Variants in LRRC26 observed in about 807,000 individuals in gnomAD.
LRRC26 encodes leucine rich repeat containing 26.
In LRRC26, 17 loss-of-function variants were observed where a neutral mutation model predicts 15.3. That is an observed-to-expected ratio of 1.11 (90% CI 0.76 to 1.66). LRRC26 has a LOEUF of 1.66. LRRC26 is among the 40% of genes most tolerant of loss of function. The pLI is 0.00. For missense variants in LRRC26, 573 were observed against 501.0 expected (o/e 1.14, Z -1.37); for synonymous variants, 301 against 272.1 (o/e 1.11, Z -1.05).
chr9:137,169,614 C>T lies in LRRC26; in HGVS notation c.330G>A (p.Val110=), dbSNP rs1436963141. The T allele has an allele frequency of 2.0e-6, 3 of 1,520,024 alleles. No homozygotes were observed. The allele number at this position is 1,520,024 out of a possible 1,614,324, so 94.2% of individuals were successfully genotyped here. A position where few individuals can be genotyped will look rare whatever the true frequency, so the allele number is the denominator to read the frequency against. ...CCAGGCCCCAGAAGGCTCGCACATGCACCGAGTGCAGCCCGTTCTCGCGCA... is the reference window on the plus strand; with the variant it reads ...CCAGGCCCCAGAAGGCTCGCACATGTACCGAGTGCAGCCCGTTCTCGCGCA... ...LDLRENGLHS[V]HVRAFWGLGA... is the part of the protein sequence containing the mutation. The change falls in exon 1 of 2, where the codon GTG becomes GTA. Residue 110 remains valine, a synonymous_variant. Coordinates refer to ENST00000371542, the MANE Select transcript of LRRC26 (RefSeq NM_001013653.3).
rs1834034040 is a variant in LRRC26 at position 137,169,359 on chromosome 9, C to T, written c.585G>A (p.Ala195=). 1 of 1,472,478 alleles carries T rather than the reference C, an allele frequency of 6.8e-7. No homozygotes were observed. Among genetic ancestry groups the T allele is most frequent in the South Asian group, 1.3e-5 (1 of 77,346 alleles). The allele number at this position is 1,472,478 out of a possible 1,614,324, so 91.2% of individuals were successfully genotyped here. A position where few individuals can be genotyped will look rare whatever the true frequency, so the allele number is the denominator to read the frequency against. ...CCCAAGGGTTGCCGCGCAGGTGCAG[C>T]GCGTCTAGAGCGGGCAGGCGGCCCA... ...GLLGRLPALD[A]LHLRGNPWGC... Residue 195 remains alanine, a synonymous_variant, in exon 1 of 2, where the codon GCG becomes GCA. Transcript: ENST00000371542.
In LRRC26 at chr9:137,169,374, C is replaced by T. The variant is rs1321549202; in HGVS notation, c.570G>A (p.Leu190=). The part of the protein sequence containing the change: ...AALAPGLLGR[L]PALDALHLRG... The stretch of plus-strand genomic sequence containing the variant: ...GCAGGTGCAGCGCGTCTAGAGCGGG[C>T]AGGCGGCCCAGCAGCCCCGGCGCGA... The change falls in exon 1 of 2, where the codon CTG becomes CTA. Residue 190 remains leucine, a synonymous_variant. Coordinates refer to ENST00000371542, the MANE Select transcript of LRRC26 (RefSeq NM_001013653.3). 1 of 1,485,776 alleles carries T rather than the reference C, an allele frequency of 6.7e-7. No homozygotes were observed. Among genetic ancestry groups the T allele is most frequent in the Admixed American group, 2.3e-5 (1 of 43,182 alleles). The allele number at this position is 1,485,776 out of a possible 1,614,324, so 92.0% of individuals were successfully genotyped here.
At position 137,169,312 on chromosome 9, in the gene LRRC26, G is replaced by T. The variant is rs374031826; in HGVS notation, c.632C>A (p.Pro211Gln). 1.4e-6 allele frequency: 2 copies of T among 1,422,946 alleles called. No individual in the cohort carries two copies. The highest frequency in any genetic ancestry group is 1.4e-5 in the South Asian group (1 of 69,926). The allele number at this position is 1,422,946 out of a possible 1,614,324, so 88.1% of individuals were successfully genotyped here. The change falls in exon 1 of 2, where the codon CCG becomes CAG. Residue 211 changes from proline to glutamine, a missense_variant. By Grantham distance (76) the Pro-to-Gln change is moderately conservative. Coordinates refer to ENST00000371542, the MANE Select transcript of LRRC26 (RefSeq NM_001013653.3). ...GTGCCGGCGCAGCCAGGCGCAGAGCGGGCGCAGCGCGCACCCGCAGCCCCA... is the reference window on the plus strand; with the variant it reads ...GTGCCGGCGCAGCCAGGCGCAGAGCTGGCGCAGCGCGCACCCGCAGCCCCA... ...NPWGCGCALRPLCAWLRRHPL... is the reference protein window; with the variant it reads ...NPWGCGCALRQLCAWLRRHPL...
Position 137,169,425 on chromosome 9 carries a change from G to C in LRRC26, c.519C>G (p.Ser173Arg), listed in dbSNP as rs1213052986. 2.6e-6 allele frequency: 4 copies of C among 1,517,444 alleles called. No homozygotes were observed. Among genetic ancestry groups the C allele is most frequent in the Non-Finnish European group, 3.5e-6 (4 of 1,141,818 alleles). The allele number at this position is 1,517,444 out of a possible 1,614,324, so 94.0% of individuals were successfully genotyped here. A position where few individuals can be genotyped will look rare whatever the true frequency, so the allele number is the denominator to read the frequency against. Residue 173 changes from serine (S) to arginine (R), a missense_variant, in exon 1 of 2, where the codon AGC becomes AGG. Coordinates refer to ENST00000371542, the MANE Select transcript of LRRC26 (RefSeq NM_001013653.3). ...GTGCCGCCAGCTCGTTGTCCTGCAG[G>C]CTGAGTGAGCGCAGCAGCGGGAGCG... ...LGALPLLRSL[S>R]LQDNELAALA...
At position 137,169,303 on chromosome 9, in the gene LRRC26, G is replaced by A. The variant is rs556924343; in HGVS notation, c.641C>T (p.Ala214Val). 8.5e-6 allele frequency: 12 copies of A among 1,416,278 alleles called. No individual in the cohort carries two copies. Among genetic ancestry groups the A allele is most frequent in the African/African-American group, 6.0e-5 (4 of 66,268 alleles). The allele number at this position is 1,416,278 out of a possible 1,614,324, so 87.7% of individuals were successfully genotyped here. ...GGGCAGCGGGTGCCGGCGCAGCCAG[G>A]CGCAGAGCGGGCGCAGCGCGCACCC... ...GCGCALRPLC[A>V]WLRRHPLPAS... The change falls in exon 1 of 2, where the codon GCC becomes GTC. Residue 214 changes from alanine to valine, a missense_variant. Coordinates refer to ENST00000371542, the MANE Select transcript of LRRC26 (RefSeq NM_001013653.3).
rs1322194075 is a variant in LRRC26 at position 137,169,844 on chromosome 9, G to A, written c.100C>T (p.Pro34Ser). The A allele has an allele frequency of 1.4e-6, 2 of 1,467,376 alleles. No homozygotes were observed. The highest frequency in any genetic ancestry group is 1.5e-5 in the African/African-American group (1 of 67,462). 90.9% of individuals were successfully genotyped at this position (1,467,376 alleles called of 1,614,324 possible). The part of the protein sequence containing the change: ...VWAQVSATAS[P>S]SGSLGAPDCP... ...TCCGGGGCGCCCAGGGACCCCGAGGGCGAGGCCGTGGCCGACACCTGGGCC... is the reference window on the plus strand; with the variant it reads ...TCCGGGGCGCCCAGGGACCCCGAGGACGAGGCCGTGGCCGACACCTGGGCC... The change falls in exon 1 of 2, where the codon CCC (proline) becomes TCC (serine). Residue 34 changes from proline (P) to serine (S), a missense_variant. Transcript: ENST00000371542.
chr9:137,168,908 G>T lies in LRRC26; in HGVS notation c.951C>A (p.His317Gln). 7.5e-7 allele frequency: 1 copy of T among 1,324,656 alleles called. No homozygotes were observed. The highest frequency in any genetic ancestry group is 2.1e-5 in the South Asian group (1 of 47,358). The allele number at this position is 1,324,656 out of a possible 1,614,324, so 82.1% of individuals were successfully genotyped here. The change falls in exon 2 of 2, where the codon CAC (histidine) becomes CAA (glutamine). Residue 317 changes from histidine to glutamine, a missense_variant. Transcript: ENST00000371542. ...PPDPNPDPDP[H>Q]GCASPADPGS... ...CCGGGTCCGCGGGCGAGGCACAGCCGTGGGGGTCGGGATCGGGGTTCGGGT... is the reference window on the plus strand; with the variant it reads ...CCGGGTCCGCGGGCGAGGCACAGCCTTGGGGGTCGGGATCGGGGTTCGGGT...
At position 137,168,926 on chromosome 9, in the gene LRRC26, G is replaced by T. The variant is rs1035255790; in HGVS notation, c.933C>A (p.Asn311Lys). 138 of 1,364,764 alleles carry T rather than the reference G, an allele frequency of 1.0e-4. No homozygotes were observed. Among genetic ancestry groups the T allele is most frequent in the Non-Finnish European group, 1.2e-4 (133 of 1,066,228 alleles). 84.5% of individuals were successfully genotyped at this position (1,364,764 alleles called of 1,614,324 possible). The change falls in exon 2 of 2, where the codon AAC becomes AAA. Residue 311 changes from asparagine (N) to lysine (K), a missense_variant. By Grantham distance (94) the Asn-to-Lys change is moderately conservative. Coordinates refer to ENST00000371542, the MANE Select transcript of LRRC26 (RefSeq NM_001013653.3). ...CACAGCCGTGGGGGTCGGGATCGGG[G>T]TTCGGGTCTGGCGGTCTCGGCGGGC... is the stretch of plus-strand genomic sequence containing the variant. ...ALRPPRPPDP[N>K]PDPDPHGCAS... is the part of the protein sequence containing the mutation.
chr9:137,169,145 C>T lies in LRRC26; in HGVS notation c.714G>A (p.Thr238=), dbSNP rs756141797. ...CGGAAAAGGCAGTCAGGGGGCTGAGCGTCAGGCGTCCCGGCCACACGCAGA... is the reference window on the plus strand; with the variant it reads ...CGGAAAAGGCAGTCAGGGGGCTGAGTGTCAGGCGTCCCGGCCACACGCAGA... ...TVLCVWPGRL[T]LSPLTAFSDA... The change falls in exon 2 of 2, where the codon ACG becomes ACA. Residue 238 remains threonine (T), a synonymous_variant. Coordinates refer to ENST00000371542, the MANE Select transcript of LRRC26 (RefSeq NM_001013653.3). 1 of 1,542,360 alleles carries T rather than the reference C, an allele frequency of 6.5e-7. No individual in the cohort carries two copies. The highest frequency in any genetic ancestry group is 1.2e-5 in the South Asian group (1 of 84,106).
chr9:137,169,299 C>CGCGCG lies in LRRC26; in HGVS notation c.644_645insCGCGC (p.Trp215CysfsTer25). 7.1e-7 allele frequency: 1 copy of CGCGCG among 1,407,994 alleles called. No homozygotes were observed. The highest frequency in any genetic ancestry group is 1.5e-5 in the South Asian group (1 of 66,692). 87.2% of individuals were successfully genotyped at this position (1,407,994 alleles called of 1,614,324 possible). ...ACGCGGGCAGCGGGTGCCGGCGCAG[C>CGCGCG]CAGGCGCAGAGCGGGCGCAGCGCGC... On this transcript the variant is annotated frameshift_variant, in exon 1 of 2. Transcript: ENST00000371542. LOFTEE classifies it low-confidence loss of function (END_TRUNC).
rs779995751 is a variant in LRRC26 at position 137,169,258 on chromosome 9, C to A, written c.673+13G>T. The A allele has an allele frequency of 2.8e-5, 39 of 1,370,564 alleles. 1 individual carries two copies. The South Asian group carries it at 6.5e-4, about 23-fold the overall frequency. The allele number at this position is 1,370,564 out of a possible 1,614,324, so 84.9% of individuals were successfully genotyped here. A position where few individuals can be genotyped will look rare whatever the true frequency, so the allele number is the denominator to read the frequency against. ...CGCCCTGCAGACCCCGACCCGCGTC[C>A]CCAGCAGCTCACCTGACGCGGGCAG... On this transcript the variant is annotated intron_variant, in intron 1 of 1. Coordinates refer to ENST00000371542, the MANE Select transcript of LRRC26 (RefSeq NM_001013653.3).
chr9:137,168,931 G>A lies in LRRC26; in HGVS notation c.928C>T (p.Pro310Ser). 1 of 1,386,410 alleles carries A rather than the reference G, an allele frequency of 7.2e-7. No homozygotes were observed. Among genetic ancestry groups the A allele is most frequent in the Non-Finnish European group, 9.3e-7 (1 of 1,078,174 alleles). 85.9% of individuals were successfully genotyped at this position (1,386,410 alleles called of 1,614,324 possible). ...AALRPPRPPD[P>S]NPDPDPHGCA... ...CCGTGGGGGTCGGGATCGGGGTTCG[G>A]GTCTGGCGGTCTCGGCGGGCGGAGG... The change falls in exon 2 of 2, where the codon CCG becomes TCG. Residue 310 changes from proline to serine, a missense_variant. Coordinates refer to ENST00000371542, the MANE Select transcript of LRRC26 (RefSeq NM_001013653.3).
chr9:137,169,539 T>C lies in LRRC26; in HGVS notation c.405A>G (p.Ala135=). ...DLSANQLEAL[A]PGTFAPLRAL... ...CGCGCAGCGGCGCGAAAGTCCCTGG[T>C]GCCAGTGCTTCCAGCTGGTTGGCGC... is the stretch of plus-strand genomic sequence containing the variant. Residue 135 remains alanine, a synonymous_variant, in exon 1 of 2, where the codon GCA becomes GCG. Transcript: ENST00000371542. 6.6e-7 allele frequency: 1 copy of C among 1,524,530 alleles called. No individual in the cohort carries two copies. The highest frequency in any genetic ancestry group is 8.8e-7 in the Non-Finnish European group (1 of 1,142,432). 94.4% of individuals were successfully genotyped at this position (1,524,530 alleles called of 1,614,324 possible). A position where few individuals can be genotyped will look rare whatever the true frequency, so the allele number is the denominator to read the frequency against.
At position 137,169,311 on chromosome 9, in the gene LRRC26, C is replaced by T; in HGVS notation, c.633G>A (p.Pro211=). 1 of 1,421,844 alleles carries T rather than the reference C, an allele frequency of 7.0e-7. No individual in the cohort carries two copies. Among genetic ancestry groups the T allele is most frequent in the Non-Finnish European group, 9.1e-7 (1 of 1,095,414 alleles). The allele number at this position is 1,421,844 out of a possible 1,614,324, so 88.1% of individuals were successfully genotyped here. The part of the protein sequence containing the change: ...NPWGCGCALR[P]LCAWLRRHPL... ...GGTGCCGGCGCAGCCAGGCGCAGAGCGGGCGCAGCGCGCACCCGCAGCCCC... is the reference window on the plus strand; with the variant it reads ...GGTGCCGGCGCAGCCAGGCGCAGAGTGGGCGCAGCGCGCACCCGCAGCCCC... Residue 211 remains proline, a synonymous_variant, in exon 1 of 2, where the codon CCG becomes CCA. Transcript: ENST00000371542.
At position 137,169,652 on chromosome 9, in the gene LRRC26, G is replaced by T. The variant is rs1391149516; in HGVS notation, c.292C>A (p.Gln98Lys). Reference sequence around the variant, plus strand: ...CCGTTCTCGCGCAGGTCCAGGCGCTGTAGCGCGCCCGCTCCCGCGAAGGCA... The same window carrying T: ...CCGTTCTCGCGCAGGTCCAGGCGCTTTAGCGCGCCCGCTCCCGCGAAGGCA... ...PGAFAGAGAL[Q>K]RLDLRENGLH... Residue 98 changes from glutamine (Q) to lysine (K), a missense_variant, in exon 1 of 2, where the codon CAG becomes AAG. Physicochemically the swap from Gln to Lys is moderately conservative, Grantham distance 53. Transcript: ENST00000371542. 1 of 1,504,136 alleles carries T rather than the reference G, an allele frequency of 6.6e-7. No individual in the cohort carries two copies. The highest frequency in any genetic ancestry group is 1.2e-5 in the South Asian group (1 of 80,238). The allele number at this position is 1,504,136 out of a possible 1,614,324, so 93.2% of individuals were successfully genotyped here. A position where few individuals can be genotyped will look rare whatever the true frequency, so the allele number is the denominator to read the frequency against.
rs1279550523 is a variant in LRRC26, at chr9:137,169,884, C to T, written c.60G>A (p.Ser20=). ...ACACCTGGGCCCAGACAGGCCAAGGCGACAGCAGCAGCAACAGCAGCAGCA... is the reference window on the plus strand; with the variant it reads ...ACACCTGGGCCCAGACAGGCCAAGGTGACAGCAGCAGCAACAGCAGCAGCA... The part of the protein sequence containing the change: ...RPLLLLLLLL[S]PWPVWAQVSA... The change falls in exon 1 of 2, where the codon TCG becomes TCA. Residue 20 remains serine (S), a synonymous_variant. Transcript: ENST00000371542. 1 of 1,482,018 alleles carries T rather than the reference C, an allele frequency of 6.7e-7. No homozygotes were observed. Among genetic ancestry groups the T allele is most frequent in the South Asian group, 1.3e-5 (1 of 78,634 alleles). 91.8% of individuals were successfully genotyped at this position (1,482,018 alleles called of 1,614,324 possible). A position where few individuals can be genotyped will look rare whatever the true frequency, so the allele number is the denominator to read the frequency against.
Position 137,169,564 on chromosome 9 carries a change from C to T in LRRC26, c.380G>A (p.Ser127Asn), listed in dbSNP as rs1336552418. 8.5e-6 allele frequency: 13 copies of T among 1,524,508 alleles called. No individual in the cohort carries two copies. The highest frequency in any genetic ancestry group is 1.1e-5 in the Non-Finnish European group (13 of 1,142,138). 94.4% of individuals were successfully genotyped at this position (1,524,508 alleles called of 1,614,324 possible). A position where few individuals can be genotyped will look rare whatever the true frequency, so the allele number is the denominator to read the frequency against. The change falls in exon 1 of 2, where the codon AGC becomes AAC. Residue 127 changes from serine (S) to asparagine (N), a missense_variant. Transcript: ENST00000371542. ...TGCCAGTGCTTCCAGCTGGTTGGCG[C>T]TCAGGTCCAGCAGCTGCAGCGCGCC... is the stretch of plus-strand genomic sequence containing the variant. ...GLGALQLLDL[S>N]ANQLEALAPG...
Position 137,169,987 on chromosome 9 carries a change from C to G in LRRC26, c.-44G>C, listed in dbSNP as rs1834062716. The stretch of plus-strand genomic sequence containing the variant: ...CCCGGCACCCGCGGTGGGAGGCCCG[C>G]TGCCTGTGCGTCCCTGGAGCCCGTC... On this transcript the variant is annotated 5_prime_UTR_variant, in exon 1 of 2. Coordinates refer to ENST00000371542, the MANE Select transcript of LRRC26 (RefSeq NM_001013653.3). 2 of 1,382,646 alleles carry G rather than the reference C, an allele frequency of 1.4e-6. No homozygotes were observed. The highest frequency in any genetic ancestry group is 3.1e-5 in the African/African-American group (2 of 65,174). 85.6% of individuals were successfully genotyped at this position (1,382,646 alleles called of 1,614,324 possible).
At position 137,168,832 on chromosome 9, in the gene LRRC26, C is replaced by T. The variant is rs903391449; in HGVS notation, c.*22G>A. The T allele has an allele frequency of 4.1e-6, 5 of 1,231,716 alleles. No homozygotes were observed. The highest frequency in any genetic ancestry group is 5.1e-6 in the Non-Finnish European group (5 of 988,900). The allele number at this position is 1,231,716 out of a possible 1,614,324, so 76.3% of individuals were successfully genotyped here. The stretch of plus-strand genomic sequence containing the variant: ...GCAAAGGCATGGGGGAAGCTTCGAG[C>T]GCTCCAGGCGGCCGCGGCCGCTCAG... On this transcript the variant is annotated 3_prime_UTR_variant, in exon 2 of 2. Coordinates refer to ENST00000371542, the MANE Select transcript of LRRC26 (RefSeq NM_001013653.3).
Sources: allele counts gnomAD v4.1 joint callset, GRCh38; gene constraint gnomAD v4.1.1; transcripts MANE v1.5; gene names NCBI Gene and HGNC (gene_info 2026-07-23, HGNC 2026-07-21).